The following EPPK1 variants were observed in gnomAD, a reference collection of about 807,000 sequenced individuals.
EPPK1 encodes the protein epiplakin 1, also known as epiplakin.
For synonymous variants in EPPK1, 1,862 were observed against 1,721.2 expected (o/e 1.08, Z -2.03); for missense variants, 3,823 against 3,673.3 (o/e 1.04, Z -1.05).
chr8:143,866,260 G>C lies in EPPK1; in HGVS notation c.6994C>G (p.Arg2332Gly). Reference protein sequence around the residue: ...FQAMQKDLIVREHGIRLLEAQ... With the variant: ...FQAMQKDLIVGEHGIRLLEAQ... Reference sequence around the variant, plus strand: ...TCCAGCAGGCGGATGCCGTGCTCCCGGACGATGAGGTCCTTCTGCATGGCC... The same window carrying C: ...TCCAGCAGGCGGATGCCGTGCTCCCCGACGATGAGGTCCTTCTGCATGGCC... Residue 2332 changes from arginine to glycine, a missense_variant, in exon 2 of 2, where the codon CGG (arginine) becomes GGG (glycine). Coordinates refer to ENST00000615648, the MANE Select transcript of EPPK1 (RefSeq NM_031308.4). The C allele has an allele frequency of 2.1e-6, 1 of 482,482 alleles. No individual in the cohort carries two copies. The highest frequency in any genetic ancestry group is 3.4e-6 in the Non-Finnish European group (1 of 291,118). The allele number at this position is 482,482 out of a possible 1,614,324, so 29.9% of individuals were successfully genotyped here.
intron 1 of EPPK1, among the ~76,000 whole-genome samples, chr8:143,877,194 G>T (rs1056644539): frequency 6.6e-6 from 1 of 152,186 alleles, no homozygotes; most frequent in Non-Finnish European, 1.5e-5. Flanking sequence ...CTTGGGCCTG[G>T]TATGAACCCC....
intron 1 of EPPK1, among the ~76,000 whole-genome samples, chr8:143,875,604 C>T (rs557567527): frequency 1.3e-5 from 2 of 152,364 alleles, no homozygotes; most frequent in South Asian, 2.1e-4. Context: ...TGCTGGTAAA[C>T]GACCAGCATT....
rs782234912 is a variant in EPPK1, at chr8:143,869,217, A to G, written c.4037T>C (p.Leu1346Pro). 201 of 1,610,724 alleles carry G rather than the reference A, an allele frequency of 1.2e-4. 4 individuals carry two copies. The East Asian group carries it at 4.4e-3, about 36-fold the overall frequency. ...LSLWQAMEKG[L>P]VPQNEGLPLL... ...GGGCAAGCCCTCGTTCTGTGGCACG[A>G]GCCCCTTCTCCATGGCCTGCCACAG... Residue 1346 changes from leucine to proline, a missense_variant, in exon 2 of 2, where the codon CTC becomes CCC. Physicochemically the swap from Leu to Pro is moderately conservative, Grantham distance 98. Coordinates refer to ENST00000615648, the MANE Select transcript of EPPK1 (RefSeq NM_031308.4).
Position 143,867,198 on chromosome 8 carries a change from G to A in EPPK1, c.6056C>T (p.Pro2019Leu). Residue 2019 changes from proline (P) to leucine (L), a missense_variant, in exon 2 of 2, where the codon CCA (proline) becomes CTA (leucine). Transcript: ENST00000615648. ...CAGTGGGAGCCGGTGGTGGTGCTGT[G>A]GGTCGATGACACCCCCCGTGGCCAC... ...VQVATGGVID[P>L]QHHHRLPLET... 2 of 1,612,736 alleles carry A rather than the reference G, an allele frequency of 1.2e-6. No homozygotes were observed. Among genetic ancestry groups the A allele is most frequent in the Non-Finnish European group, 1.7e-6 (2 of 1,179,818 alleles).
rs782265601 is a variant in EPPK1, at chr8:143,872,041, C to A, written c.1213G>T (p.Val405Phe). The stretch of plus-strand genomic sequence containing the variant: ...AGCCGGAGCCTGCGTGCTGGACAGA[C>A]CAGCCCGCCTGTGGCCAGCTGGGCA... Reference protein sequence around the residue: ...LDAQLATGGLVCPARRLRLPL... With the variant: ...LDAQLATGGLFCPARRLRLPL... The change falls in exon 2 of 2, where the codon GTC (valine) becomes TTC (phenylalanine). Residue 405 changes from valine (V) to phenylalanine (F), a missense_variant. Val to Phe is a conservative substitution (Grantham distance 50). Transcript: ENST00000615648. 2 of 1,558,242 alleles carry A rather than the reference C, an allele frequency of 1.3e-6. No individual in the cohort carries two copies. The highest frequency in any genetic ancestry group is 1.9e-5 in the Admixed American group (1 of 52,244).
chr8:143,874,030 C>T (rs1819433000), intron 1 of EPPK1, among the ~76,000 whole-genome samples: 1 of 152,218 alleles, frequency 6.6e-6, no homozygotes. Flanking sequence ...GGGCTATTGC[C>T]CCTCTGAGCC....
At position 143,868,825 on chromosome 8, in the gene EPPK1, A is replaced by C; in HGVS notation, c.4429T>G (p.Tyr1477Asp). 1 of 1,606,296 alleles carries C rather than the reference A, an allele frequency of 6.2e-7. No homozygotes were observed. The highest frequency in any genetic ancestry group is 8.5e-7 in the Non-Finnish European group (1 of 1,179,556). The change falls in exon 2 of 2, where the codon TAC becomes GAC. Residue 1477 changes from tyrosine to aspartate, a missense_variant. Coordinates refer to ENST00000615648, the MANE Select transcript of EPPK1 (RefSeq NM_031308.4). ...TCCCGCCGCTTGTCAGCGCCAACGT[A>C]TTCGGAGAGCAGCAGGTCCCAGAGT... ...VSLWDLLLSEYVGADKRRELV... is the reference protein window; with the variant it reads ...VSLWDLLLSEDVGADKRRELV...
Position 143,869,652 on chromosome 8 carries a change from C to A in EPPK1, c.3602G>T (p.Gly1201Val). The change falls in exon 2 of 2, where the codon GGT becomes GTT. Residue 1201 changes from glycine (G) to valine (V), a missense_variant. Physicochemically the swap from Gly to Val is moderately radical, Grantham distance 109. Transcript: ENST00000615648. ...CAGCAGCCAGACAGCGGGTACCTCACCCCGTGGGCCGGGCACCATGACGCG... is the reference window on the plus strand; with the variant it reads ...CAGCAGCCAGACAGCGGGTACCTCAACCCGTGGGCCGGGCACCATGACGCG... ...QARVMVPGPR[G>V]EVPAVWLLDA... 2 of 1,592,472 alleles carry A rather than the reference C, an allele frequency of 1.3e-6. No homozygotes were observed. The highest frequency in any genetic ancestry group is 1.1e-5 in the South Asian group (1 of 88,442).
rs377560588 is a variant in EPPK1 at position 143,867,310 on chromosome 8, C to T, written c.5944G>A (p.Ala1982Thr). The T allele has an allele frequency of 1.1e-5, 17 of 1,612,442 alleles. No individual in the cohort carries two copies. The highest frequency in any genetic ancestry group is 1.4e-5 in the Non-Finnish European group (16 of 1,179,720). ...AACAGCGGGATCGTGTCTCCTGTGG[C>T]CGGATCCCTGTAGCCCGTGGCAGCT... ...ERAATGYRDP[A>T]TGDTIPLFQA... is the part of the protein sequence containing the mutation. Residue 1982 changes from alanine to threonine, a missense_variant, in exon 2 of 2, where the codon GCC becomes ACC. By Grantham distance (58) the Ala-to-Thr change is moderately conservative. Coordinates refer to ENST00000615648, the MANE Select transcript of EPPK1 (RefSeq NM_031308.4).
At position 143,870,707 on chromosome 8, in the gene EPPK1, C is replaced by T. The variant is rs373342320; in HGVS notation, c.2547G>A (p.Gln849=). The T allele has an allele frequency of 6.2e-6, 10 of 1,610,838 alleles. No individual in the cohort carries two copies. The African/African-American group carries it at 1.3e-4, about 22-fold the overall frequency. The part of the protein sequence containing the change: ...SEYFSEGRRR[Q]LLRRYRQREV... ...CGCGCTGCCGGTAGCGACGCAGCAG[C>T]TGCCTCCTGCGGCCCTCGCTGAAGT... is the stretch of plus-strand genomic sequence containing the variant. The change falls in exon 2 of 2, where the codon CAG becomes CAA. Residue 849 remains glutamine (Q), a synonymous_variant. Transcript: ENST00000615648. The surrounding 1 kb of genome is among the most constrained non-coding windows in gnomAD (Gnocchi z 5.2).
In EPPK1 at chr8:143,870,355, G is replaced by A. The variant is rs781986524; in HGVS notation, c.2899C>T (p.Gln967Ter). Residue 967 changes from glutamine to a stop codon, truncating the protein, a stop_gained, in exon 2 of 2, where the codon CAG becomes TAG. Transcript: ENST00000615648. LOFTEE classifies it low-confidence loss of function (END_TRUNC). This position sits in a 1 kb window ranked among gnomAD's most constrained non-coding sequence, Gnocchi z 5.2. ...TCCATGATGGTTCCGGTGGCCGCCTGGGCCTCCAGCAGGGCCAGGGCCACC... is the reference window on the plus strand; with the variant it reads ...TCCATGATGGTTCCGGTGGCCGCCTAGGCCTCCAGCAGGGCCAGGGCCACC... ...PRVALALLEA[Q>*]AATGTIMDPH... 3.2e-6 allele frequency: 5 copies of A among 1,561,626 alleles called. No homozygotes were observed. Among genetic ancestry groups the A allele is most frequent in the Non-Finnish European group, 3.5e-6 (4 of 1,158,936 alleles).
chr8:143,867,608 T>C lies in EPPK1; in HGVS notation c.5646A>G (p.Ala1882=). The C allele has an allele frequency of 6.2e-7, 1 of 1,613,170 alleles. No homozygotes were observed. The highest frequency in any genetic ancestry group is 8.5e-7 in the Non-Finnish European group (1 of 1,179,870). ...GCTTCACACACTCCAGCGTGCTGAG[T>C]GCCTGTCCCCCAGTCCTCCCCACAC... ...TLRVGRTGGQ[A]LSTLECVKPY... Residue 1882 remains alanine (A), a synonymous_variant, in exon 2 of 2, where the codon GCA becomes GCG. Transcript: ENST00000615648.
At position 143,866,263 on chromosome 8, in the gene EPPK1, C is replaced by T. The variant is rs1476151480; in HGVS notation, c.6991G>A (p.Val2331Ile). 1.9e-4 allele frequency: 90 copies of T among 485,246 alleles called. No homozygotes were observed. Among genetic ancestry groups the T allele is most frequent in the Middle Eastern group, 9.5e-4 (2 of 2,112 alleles). The allele number at this position is 485,246 out of a possible 1,614,324, so 30.1% of individuals were successfully genotyped here. The change falls in exon 2 of 2, where the codon GTC becomes ATC. Residue 2331 changes from valine to isoleucine, a missense_variant. Physicochemically the swap from Val to Ile is conservative, Grantham distance 29. Transcript: ENST00000615648. ...AGCAGGCGGATGCCGTGCTCCCGGA[C>T]GATGAGGTCCTTCTGCATGGCCTGG... ...LFQAMQKDLI[V>I]REHGIRLLEA...
Position 143,857,885 on chromosome 8 carries a change from T to C in EPPK1, c.*102A>G, listed in dbSNP as rs1311654539. 6 of 816,078 alleles carry C rather than the reference T, an allele frequency of 7.4e-6. No homozygotes were observed. The African/African-American group carries it at 1.2e-4, about 17-fold the overall frequency. The allele number at this position is 816,078 out of a possible 1,614,324, so 50.6% of individuals were successfully genotyped here. A position where few individuals can be genotyped will look rare whatever the true frequency, so the allele number is the denominator to read the frequency against. ...ATAACGAATGGGTAAAACAACAAAA[T>C]TAAAGAATGACAAAAAAAAAAAAAA... On this transcript the variant is annotated 3_prime_UTR_variant, in exon 2 of 2. Coordinates refer to ENST00000615648, the MANE Select transcript of EPPK1 (RefSeq NM_031308.4).
At position 143,870,934 on chromosome 8, in the gene EPPK1, C is replaced by T. The variant is rs782646346; in HGVS notation, c.2320G>A (p.Glu774Lys). The T allele has an allele frequency of 4.0e-5, 64 of 1,613,358 alleles. No homozygotes were observed. Among genetic ancestry groups the T allele is most frequent in the Non-Finnish European group, 5.3e-5 (62 of 1,180,012 alleles). The stretch of plus-strand genomic sequence containing the variant: ...AGAAGCTGCAGGTACGTGAGGTTCT[C>T]GTGCGTGTTGGGGTCGAAGAAGCCC... ...TKGFFDPNTH[E>K]NLTYLQLLER... The change falls in exon 2 of 2, where the codon GAG becomes AAG. Residue 774 changes from glutamate (E) to lysine (K), a missense_variant. Transcript: ENST00000615648. The surrounding 1 kb of genome is among the most constrained non-coding windows in gnomAD (Gnocchi z 5.2).
In EPPK1 at chr8:143,868,906, G is replaced by A. The variant is rs1209646666; in HGVS notation, c.4348C>T (p.Leu1450=). ...CTGACGGGCACCTTCATGGCCCTCA[G>A]AGCCACCGCGGTGTGGTCGTCCACC... The part of the protein sequence containing the change: ...LEVDDHTAVA[L]RAMKVPVSTG... The change falls in exon 2 of 2, where the codon CTG becomes TTG. Residue 1450 remains leucine, a synonymous_variant. Coordinates refer to ENST00000615648, the MANE Select transcript of EPPK1 (RefSeq NM_031308.4). The A allele has an allele frequency of 1.2e-6, 2 of 1,611,040 alleles. No homozygotes were observed. The highest frequency in any genetic ancestry group is 2.7e-5 in the African/African-American group (2 of 75,052).
chr8:143,876,636 C>A (rs1429039510), intron 1 of EPPK1, among the ~76,000 whole-genome samples: 2 of 152,244 alleles, frequency 1.3e-5, no homozygotes, highest in Admixed American at 1.3e-4. Context: ...GTGTCCACCT[C>A]TACTGGCACC....
rs782263218 is a variant in EPPK1 at position 143,870,886 on chromosome 8, CG to C, written c.2367del (p.Glu790ArgfsTer32). On this transcript the variant is annotated frameshift_variant, in exon 2 of 2. Transcript: ENST00000615648. LOFTEE classifies it low-confidence loss of function (END_TRUNC). The surrounding 1 kb of genome is among the most constrained non-coding windows in gnomAD (Gnocchi z 5.2). ...AGTGGCAGGAGGTACAGGCCCGTCT[CG>C]GGGTCACGCACACAGCGCTCCAGAA... ...LQLLERCVRD[P>X]ETGLYLLPLS... 1.2e-6 allele frequency: 2 copies of C among 1,613,146 alleles called. No individual in the cohort carries two copies. Among genetic ancestry groups the C allele is most frequent in the South Asian group, 2.2e-5 (2 of 91,080 alleles).
upstream of EPPK1, among the ~76,000 whole-genome samples, chr8:143,878,748 T>C (rs1375706286): frequency 6.6e-6 from 1 of 151,466 alleles, no homozygotes; most frequent in Non-Finnish European, 1.5e-5. Flanking sequence ...GGAAAGGAGT[T>C]TGGAGTGAAA....
Sources: allele counts gnomAD v4.1 joint callset (sites outside exome capture counted in the v4.1 genomes callset), GRCh38; gene constraint gnomAD v4.1.1; non-coding constraint Gnocchi (gnomAD v3.1); transcripts MANE v1.5; gene names NCBI Gene and HGNC (gene_info 2026-07-23, HGNC 2026-07-21).